Variants in FAM178B observed in about 807,000 individuals in gnomAD.
FAM178B encodes protein FAM178B.
In FAM178B, 82 loss-of-function variants were observed where a neutral mutation model predicts 91.7. The observed-to-expected ratio is 0.89, with a 90% CI of 0.75 to 1.07. The LOEUF is 1.07. FAM178B is among the 50% of genes least tolerant of loss of function. The probability of loss-of-function intolerance (pLI) is 0.00; values close to 1 mark genes in which losing one functional copy is unlikely to be tolerated. For synonymous variants in FAM178B, 368 were observed against 359.4 expected, an observed-to-expected ratio of 1.02 and a Z score of -0.27; for missense variants, 769 against 846.7, an observed-to-expected ratio of 0.91 and a Z score of 1.14.
chr2:96,905,833 TA>T (rs2081027166), intron 12 of FAM178B, among the ~76,000 whole-genome samples: 5 of 20,254 alleles, frequency 2.5e-4, no homozygotes, highest in African/African-American at 3.8e-4. Flanking sequence ...TATATATATA[TA>T]TATATATATA....
chr2:96,900,068 A>G (rs1400730859), intron 13 of FAM178B, among the ~76,000 whole-genome samples: 1 of 151,910 alleles, frequency 6.6e-6, no homozygotes, highest in Non-Finnish European at 1.5e-5. Context: ...TGGCCAAGAA[A>G]AAACAAAATG....
chr2:96,925,850 C>T (rs1332130636), intron 9 of FAM178B, among the ~76,000 whole-genome samples: 1 of 152,250 alleles, frequency 6.6e-6, no homozygotes, highest in Non-Finnish European at 1.5e-5. Context: ...CTGACATTCT[C>T]AGAGGGAAGA....
At chr2:96,960,659 C>T (rs905658701) in intron 5 of FAM178B, among the ~76,000 whole-genome samples, 3 of 152,360 alleles carry the variant, frequency 2.0e-5, no homozygotes, top group African/African-American at 7.2e-5. Flanking sequence ...ATCCCTTGCT[C>T]AGGGCACCAG....
At chr2:96,884,875 A>G (rs2153367666) in intron 14 of FAM178B, among the ~76,000 whole-genome samples, 1 of 152,374 alleles carries the variant, frequency 6.6e-6, no homozygotes. Flanking sequence ...TCTGACCAGG[A>G]CAGGTCGCCG....
chr2:96,974,199 A>G (rs1384433158), intron 1 of FAM178B, among the ~76,000 whole-genome samples: 2 of 151,098 alleles, frequency 1.3e-5, no homozygotes, highest in Admixed American at 6.6e-5. Flanking sequence ...TGGCTAACAC[A>G]GTGAAACCCC....
Position 96,972,303 on chromosome 2 carries a change from G to A in FAM178B, c.162C>T (p.Thr54=), listed in dbSNP as rs1007633618. ...PLREGVQAAA[T]VPILLYNLED... is the part of the protein sequence containing the mutation. ...CCAGGTTGTACAGGAGGATGGGCAC[G>A]GTGGCGGCAGCCTGCACCCCTGCAG... The change falls in exon 3 of 17, where the codon ACC becomes ACT. Residue 54 remains threonine, a synonymous_variant. Coordinates refer to ENST00000490605, the MANE Select transcript of FAM178B (RefSeq NM_001122646.3). 15 of 1,465,942 alleles carry A rather than the reference G, an allele frequency of 1.0e-5. No homozygotes were observed. The highest frequency in any genetic ancestry group is 1.4e-5 in the South Asian group (1 of 70,466). 90.8% of individuals were successfully genotyped at this position (1,465,942 alleles called of 1,614,324 possible).
Position 96,878,042 on chromosome 2 carries a change from C to T in FAM178B, c.1855G>A (p.Gly619Ser). The change falls in exon 16 of 17, where the codon GGC (glycine) becomes AGC (serine). Residue 619 changes from glycine to serine, a missense_variant and splice_region_variant. Physicochemically the swap from Gly to Ser is moderately conservative, Grantham distance 56. Transcript: ENST00000490605. The part of the protein sequence containing the change: ...SCQDITPDQW[G>S]ELQLLCMQLD... ...TGCATGCACAGCAGCTGCAGCTCGC[C>T]CTGTGGAGGCGGAGGGAGGCCAAGA... 6.2e-7 allele frequency: 1 copy of T among 1,608,082 alleles called. No homozygotes were observed. The highest frequency in any genetic ancestry group is 8.5e-7 in the Non-Finnish European group (1 of 1,179,962).
chr2:96,924,091 C>CT (rs909417815), intron 9 of FAM178B, among the ~76,000 whole-genome samples: 20 of 152,318 alleles, frequency 1.3e-4, no homozygotes, highest in Non-Finnish European at 2.5e-4. Context: ...TATGTGAACT[C>CT]TAAGAATGGG....
chr2:96,901,296 C>T (rs182259713), intron 13 of FAM178B, among the ~76,000 whole-genome samples: 4 of 152,076 alleles, frequency 2.6e-5, no homozygotes, highest in Admixed American at 2.0e-4. Context: ...TCTCAGTCTC[C>T]CGAGTAGCTG....
chr2:96,950,643 C>T (rs1164448716), intron 7 of FAM178B, among the ~76,000 whole-genome samples: 2 of 152,232 alleles, frequency 1.3e-5, no homozygotes, highest in Non-Finnish European at 2.9e-5. Flanking sequence ...CATCCTTATG[C>T]CTGGCATTCA....
intron 12 of FAM178B, among the ~76,000 whole-genome samples, chr2:96,918,020 A>G (rs2081270300): frequency 6.6e-6 from 1 of 152,176 alleles, no homozygotes; most frequent in Admixed American, 6.5e-5. Flanking sequence ...AAGAGAAGAA[A>G]GCACACTATC....
chr2:96,948,573 G>A (rs2081869667), intron 7 of FAM178B, among the ~76,000 whole-genome samples: 1 of 152,242 alleles, frequency 6.6e-6, no homozygotes, highest in South Asian at 2.1e-4. Flanking sequence ...ATCTGGTCTA[G>A]GGGCACTCAC....
chr2:96,981,740 C>CAAAAAAAAAAA (rs377081384), intron 1 of FAM178B, among the ~76,000 whole-genome samples: 2 of 18,714 alleles, frequency 1.1e-4, no homozygotes, highest in African/African-American at 2.9e-4. Context: ...GACTCCGTCT[C>CAAAAAAAAAAA]AAAAAAAAAA....
At chr2:96,880,654 G>A (rs2153367243) in intron 14 of FAM178B, among the ~76,000 whole-genome samples, 1 of 152,188 alleles carries the variant, frequency 6.6e-6, no homozygotes, top group Non-Finnish European at 1.5e-5. Flanking sequence ...TAGTGCAGTG[G>A]CGCAATCTCC....
intron 12 of FAM178B, among the ~76,000 whole-genome samples, chr2:96,917,017 A>G (rs2081251740): frequency 6.6e-6 from 1 of 152,136 alleles, no homozygotes; most frequent in South Asian, 2.1e-4. Flanking sequence ...ACGCGGCAGG[A>G]AAAAAGAATT....
chr2:96,977,086 T>C (rs1295257995), intron 1 of FAM178B, among the ~76,000 whole-genome samples: 1 of 147,530 alleles, frequency 6.8e-6, no homozygotes, highest in Non-Finnish European at 1.5e-5. Flanking sequence ...TCCCAGCTAC[T>C]CGGGACGCTG....
chr2:96,943,141 C>G (rs1189865414), intron 8 of FAM178B, among the ~76,000 whole-genome samples: 1 of 152,178 alleles, frequency 6.6e-6, no homozygotes, highest in Admixed American at 6.5e-5. Flanking sequence ...ATATGTTGGA[C>G]TTCACCAAAA....
intron 14 of FAM178B, among the ~76,000 whole-genome samples, chr2:96,880,677 C>G (rs1200393677): frequency 1.3e-5 from 2 of 152,136 alleles, no homozygotes; most frequent in South Asian, 2.1e-4. Context: ...TCACTGCAAG[C>G]TCTGCCTCCC....
chr2:96,912,445 G>A (rs2081174329), intron 12 of FAM178B, among the ~76,000 whole-genome samples: 1 of 152,026 alleles, frequency 6.6e-6, no homozygotes, highest in African/African-American at 2.4e-5. Context: ...CAAGACTCGA[G>A]GGCTGGTGGG....
Sources: allele counts gnomAD v4.1 joint callset (sites outside exome capture counted in the v4.1 genomes callset), GRCh38; gene constraint gnomAD v4.1.1; transcripts MANE v1.5; gene names NCBI Gene and HGNC (gene_info 2026-07-23, HGNC 2026-07-21).